PLEKHA5: variants seen among roughly 807,000 people sequenced by gnomAD.
The protein encoded by PLEKHA5 is pleckstrin homology domain containing A5, also known as pleckstrin homology domain-containing family A member 5.
PLEKHA5 carries 55 observed loss-of-function variants against 181.9 expected under a neutral mutation model. The observed-to-expected ratio is 0.30, with a 90% confidence interval of 0.24 to 0.38. PLEKHA5 has a LOEUF of 0.38. PLEKHA5 is among the 10% of genes least tolerant of loss of function. PLEKHA5 has a pLI of 1.00. For synonymous variants in PLEKHA5, 535 were observed against 529.4 expected, an observed-to-expected ratio of 1.01 and a Z score of -0.15; for missense variants, 1,432 against 1,549.5, an observed-to-expected ratio of 0.92 and a Z score of 1.27.
intron 3 of PLEKHA5, among the ~76,000 whole-genome samples, chr12:19,189,900 T>G (rs2050702669): frequency 6.6e-6 from 1 of 152,200 alleles, no homozygotes; most frequent in Admixed American, 6.5e-5. Flanking sequence ...CATTAGAGCT[T>G]TTGTGATTTA....
chr12:19,209,604 C>T (rs1011535854), intron 3 of PLEKHA5, among the ~76,000 whole-genome samples: 2 of 152,116 alleles, frequency 1.3e-5, no homozygotes, highest in African/African-American at 4.8e-5. Context: ...GGATCAAGAT[C>T]CTGAAGCATT....
intron 3 of PLEKHA5, among the ~76,000 whole-genome samples, chr12:19,190,083 A>G (rs1158061496): frequency 6.6e-6 from 1 of 152,066 alleles, no homozygotes; most frequent in African/African-American, 2.4e-5. Flanking sequence ...TATTCAGCTG[A>G]GTCTTACTCT....
intron 26 of PLEKHA5, among the ~76,000 whole-genome samples, chr12:19,356,662 C>CTTTTTTT (rs57809332): frequency 1.6e-4 from 16 of 99,832 alleles, no homozygotes; most frequent in Non-Finnish European, 2.3e-4. Context: ...AGTTGTTTTT[C>CTTTTTTT]TTTTTTTTTT....
At chr12:19,261,103 TTGTAA>T in intron 7 of PLEKHA5, 82 bp downstream of exon 7, 1 of 682,152 alleles carries the variant, frequency 1.5e-6, no homozygotes, top group Non-Finnish European at 2.5e-6. Flanking sequence ...TTAAAAAGTA[TTGTAA>T]CTCTGTGTGC....
intron 3 of PLEKHA5, among the ~76,000 whole-genome samples, chr12:19,194,299 T>C (rs1271087568): frequency 6.6e-6 from 1 of 152,232 alleles, no homozygotes; most frequent in Admixed American, 6.5e-5. Flanking sequence ...CATGGCCGAA[T>C]AGTATTCCAC....
chr12:19,194,298 A>G (rs2052069048), intron 3 of PLEKHA5, among the ~76,000 whole-genome samples: 1 of 152,208 alleles, frequency 6.6e-6, no homozygotes, highest in South Asian at 2.1e-4. Context: ...TCATGGCCGA[A>G]TAGTATTCCA....
chr12:19,241,842 G>A (rs771764000), intron 3 of PLEKHA5, among the ~76,000 whole-genome samples: 5 of 151,832 alleles, frequency 3.3e-5, no homozygotes, highest in Non-Finnish European at 7.4e-5. Flanking sequence ...AGAACCATAT[G>A]CGCCTGCACA....
intron 3 of PLEKHA5, among the ~76,000 whole-genome samples, chr12:19,176,049 AT>A (rs974675663): frequency 3.9e-5 from 6 of 152,188 alleles, no homozygotes; most frequent in African/African-American, 1.4e-4. Flanking sequence ...GTTAAAAAAA[AT>A]TAAATAACCT....
intron 3 of PLEKHA5, among the ~76,000 whole-genome samples, chr12:19,220,590 C>A (rs988791943): frequency 6.6e-6 from 1 of 152,096 alleles, no homozygotes; most frequent in African/African-American, 2.4e-5. Context: ...ACATTAATAT[C>A]TTTAATCCCT....
At chr12:19,255,240 A>G (rs1435738038) in intron 5 of PLEKHA5, 75 bp downstream of exon 5, 1 of 843,786 alleles carries the variant, frequency 1.2e-6, no homozygotes, top group East Asian at 2.9e-5. Flanking sequence ...AATGGACTTA[A>G]AAGTATAGAA....
intron 3 of PLEKHA5, among the ~76,000 whole-genome samples, chr12:19,159,327 C>T (rs532342358): frequency 5.3e-5 from 8 of 152,170 alleles, no homozygotes; most frequent in Non-Finnish European, 1.2e-4. Context: ...GAAAAGTTGC[C>T]TTATCTGTAA....
intron 15 of PLEKHA5, among the ~76,000 whole-genome samples, chr12:19,309,022 A>T (rs2085316744): frequency 6.6e-6 from 1 of 152,026 alleles, no homozygotes; most frequent in African/African-American, 2.4e-5. Context: ...AGATTGCGCT[A>T]CTGCACTCTA....
At chr12:19,201,950 A>T in intron 3 of PLEKHA5, 1 of 606,624 alleles carries the variant, frequency 1.6e-6, no homozygotes, top group Non-Finnish European at 2.1e-6. Context: ...AGGTGGGTTT[A>T]ATGAAATGTG....
chr12:19,196,204 ATTATATT>A (rs2052686609), intron 3 of PLEKHA5, among the ~76,000 whole-genome samples: 1 of 152,186 alleles, frequency 6.6e-6, no homozygotes. Flanking sequence ...GTCAACAAAG[ATTATATT>A]TTATATGTCA....
At position 19,272,088 on chromosome 12, in the gene PLEKHA5, C is replaced by T. The variant is rs140862940; in HGVS notation, c.845+1883C>T. Reference sequence around the variant, plus strand: ...AGTTTTTAACTTGAGAGTTCATTCTCCCTAACTTTATAAAGTATTTCACCT... The same window carrying T: ...AGTTTTTAACTTGAGAGTTCATTCTTCCTAACTTTATAAAGTATTTCACCT... On this transcript the variant is annotated intron_variant, in intron 10 of 31. Coordinates refer to ENST00000429027, the MANE Select transcript of PLEKHA5 (RefSeq NM_001256470.2). 2.1e-3 allele frequency among the ~76,000 whole-genome samples: 323 copies of T among 152,200 alleles called. 1 individual carries two copies. Among genetic ancestry groups the T allele is most frequent in the African/African-American group, 7.4e-3 (307 of 41,524 alleles).
intron 11 of PLEKHA5, among the ~76,000 whole-genome samples, chr12:19,282,216 C>T (rs1393983257): frequency 6.6e-6 from 1 of 152,130 alleles, no homozygotes; most frequent in East Asian, 1.9e-4. Context: ...TTATACTTTG[C>T]ATGCATAATG....
intron 3 of PLEKHA5, among the ~76,000 whole-genome samples, chr12:19,135,214 A>G (rs2035252063): frequency 6.6e-6 from 1 of 152,132 alleles, no homozygotes; most frequent in South Asian, 2.1e-4. Context: ...TAAAAATGGC[A>G]GGTTACCAGA....
intron 3 of PLEKHA5, among the ~76,000 whole-genome samples, chr12:19,241,635 A>G (rs1184777099): frequency 6.6e-6 from 1 of 152,060 alleles, no homozygotes. Context: ...TGGTGCCTGT[A>G]ATCCCATCTA....
chr12:19,246,102 C>T (rs1317793083), intron 3 of PLEKHA5, among the ~76,000 whole-genome samples: 1 of 151,086 alleles, frequency 6.6e-6, no homozygotes, highest in Non-Finnish European at 1.5e-5. Context: ...CCTCAGCTTC[C>T]CGAGTAGCTG....
Sources: allele counts gnomAD v4.1 joint callset (sites outside exome capture counted in the v4.1 genomes callset), GRCh38; gene constraint gnomAD v4.1.1; transcripts MANE v1.5; gene names NCBI Gene and HGNC (gene_info 2026-07-23, HGNC 2026-07-21).